GARNL3: variants seen among roughly 807,000 people sequenced by gnomAD.
The protein encoded by GARNL3 is GTPase activating Rap/RanGAP domain like 3, also known as GTPase-activating Rap/Ran-GAP domain-like protein 3.
Under a neutral mutation model 125.0 loss-of-function variants are expected in GARNL3, and 63 were observed. The ratio of observed to expected loss-of-function variants is 0.50; its 90% CI spans 0.41 to 0.62. The LOEUF (loss-of-function observed/expected upper bound fraction) is 0.62, where lower values mean the gene tolerates loss of function less well. Among genes scored for constraint, GARNL3 ranks in the 20% least tolerant of loss-of-function variants. The pLI is 0.00. For synonymous variants in GARNL3, 439 were observed against 457.5 expected (o/e 0.96, Z 0.52); for missense variants, 994 against 1,244.0 (o/e 0.80, Z 3.02).
At chr9:127,255,830 C>T (rs902997152) in intron 2 of GARNL3, among the ~76,000 whole-genome samples, 1 of 152,084 alleles carries the variant, frequency 6.6e-6, no homozygotes, top group East Asian at 1.9e-4. Flanking sequence ...ATCAAAAGAC[C>T]ACACTGAGCA....
upstream of GARNL3, among the ~76,000 whole-genome samples, chr9:127,262,716 T>G (rs1176260301): frequency 6.6e-6 from 1 of 152,094 alleles, no homozygotes; most frequent in Non-Finnish European, 1.5e-5. Flanking sequence ...GTAGAAGAGG[T>G]GCTGTCAGGC....
intron 2 of GARNL3, among the ~76,000 whole-genome samples, chr9:127,303,686 A>G (rs1357610069): frequency 1.3e-5 from 2 of 152,208 alleles, no homozygotes; most frequent in Admixed American, 6.5e-5. Context: ...CAAAGGAATT[A>G]TTTTAAAACT....
chr9:127,281,107 T>C (rs2064091125), intron 1 of GARNL3, among the ~76,000 whole-genome samples: 1 of 151,958 alleles, frequency 6.6e-6, no homozygotes, highest in Admixed American at 6.6e-5. Flanking sequence ...GCATGCCAGA[T>C]ATGTGGGGTG....
chr9:127,225,338 C>T, intron 1 of GARNL3: 1 of 984,476 alleles, frequency 1.0e-6, no homozygotes, highest in Non-Finnish European at 1.2e-6. Context: ...GCGGGGTGGC[C>T]GCTGCGCTCC....
chr9:127,316,225 G>A (rs994470353), intron 4 of GARNL3, among the ~76,000 whole-genome samples: 5 of 152,060 alleles, frequency 3.3e-5, no homozygotes, highest in South Asian at 4.1e-4. Flanking sequence ...ACATTCCCCC[G>A]AGCTGCCCTT....
chr9:127,316,811 C>T (rs1217504478), intron 4 of GARNL3, among the ~76,000 whole-genome samples: 1 of 152,122 alleles, frequency 6.6e-6, no homozygotes, highest in Non-Finnish European at 1.5e-5. Context: ...GTTTATGCAA[C>T]GAGACCATGG....
intron 2 of GARNL3, among the ~76,000 whole-genome samples, chr9:127,301,177 C>T (rs1237024077): frequency 6.6e-6 from 1 of 152,192 alleles, no homozygotes; most frequent in African/African-American, 2.4e-5. Context: ...ATCCTTATTG[C>T]TGTTCCTTGG....
chr9:127,382,470 G>A (rs1446085543), intron 22 of GARNL3, among the ~76,000 whole-genome samples: 1 of 151,936 alleles, frequency 6.6e-6, no homozygotes, highest in Non-Finnish European at 1.5e-5. Flanking sequence ...AAATTAGCTG[G>A]GTGTGCTGGT....
At chr9:127,313,230 T>C in intron 3 of GARNL3, 1 of 540,716 alleles carries the variant, frequency 1.8e-6, no homozygotes. Context: ...TGGCCAGAAT[T>C]TGGTCACATG....
At chr9:127,225,524 A>C (rs1415266018) in intron 1 of GARNL3, 6 of 314,972 alleles carry the variant, frequency 1.9e-5, no homozygotes, top group Non-Finnish European at 2.7e-5. Flanking sequence ...TTCTCAGGAG[A>C]CCGGGCGCGG....
intron 27 of GARNL3, among the ~76,000 whole-genome samples, chr9:127,391,102 C>T (rs964886586): frequency 3.3e-5 from 5 of 151,950 alleles, no homozygotes; most frequent in South Asian, 2.1e-4. Context: ...CTGGCCAACA[C>T]GGTGAAACCC....
chr9:127,239,565 AT>A (rs1434209378), intron 1 of GARNL3, among the ~76,000 whole-genome samples: 1 of 152,176 alleles, frequency 6.6e-6, no homozygotes, highest in Non-Finnish European at 1.5e-5. Context: ...ATATTGAGCT[AT>A]TTTTTGCTTT....
rs149757395 is a variant in GARNL3 at position 127,228,801 on chromosome 9, C to T, written c.-29+4463C>T. Among the ~76,000 whole-genome samples, 416 of 151,994 alleles carry T rather than the reference C, an allele frequency of 2.7e-3. 1 individual carries two copies. Among genetic ancestry groups the T allele is most frequent in the African/African-American group, 9.6e-3 (396 of 41,460 alleles). On this transcript the variant is annotated intron_variant, in intron 1 of 10. Transcript: ENST00000439286. ...TTGTTTTAAAATTTAGTCAGATCTTCCTCCTGTTTATACTTTTTTGTTGTT... is the reference window on the plus strand; with the variant it reads ...TTGTTTTAAAATTTAGTCAGATCTTTCTCCTGTTTATACTTTTTTGTTGTT...
intron 2 of GARNL3, among the ~76,000 whole-genome samples, chr9:127,299,777 GA>G (rs2064726761): frequency 6.6e-6 from 1 of 152,146 alleles, no homozygotes. Context: ...ACCATAGCCA[GA>G]ATGGTCTCGA....
At chr9:127,352,140 T>A (rs1012871829) in intron 17 of GARNL3, among the ~76,000 whole-genome samples, 1 of 152,238 alleles carries the variant, frequency 6.6e-6, no homozygotes, top group African/African-American at 2.4e-5. Flanking sequence ...ATGGGGCTGC[T>A]CCAACATCCC....
intron 4 of GARNL3, among the ~76,000 whole-genome samples, chr9:127,315,905 A>C (rs1389546381): frequency 2.0e-5 from 3 of 152,144 alleles, no homozygotes; most frequent in Non-Finnish European, 4.4e-5. Flanking sequence ...GCACACACAC[A>C]CCTGTTACAC....
intron 1 of GARNL3, chr9:127,225,407 C>T: frequency 1.0e-6 from 1 of 980,842 alleles, no homozygotes; most frequent in Non-Finnish European, 1.2e-6. Flanking sequence ...GCCCAAGGTA[C>T]TGCGGACGGG....
Position 127,335,349 on chromosome 9 carries a change from C to G in GARNL3, c.873+16C>G, listed in dbSNP as rs746394150. 7.2e-6 allele frequency: 11 copies of G among 1,530,498 alleles called. No individual in the cohort carries two copies. Among genetic ancestry groups the G allele is most frequent in the South Asian group, 1.1e-5 (1 of 89,480 alleles). The allele number at this position is 1,530,498 out of a possible 1,614,324, so 94.8% of individuals were successfully genotyped here. ...CAAACAGCAGGTACATGTGAACATA[C>G]AAACCATCAAATAGTGATGTGAATG... On this transcript the variant is annotated intron_variant, in intron 10 of 27. Transcript: ENST00000373387.
rs754641459 is a variant in GARNL3, at chr9:127,243,160, A to G, written c.54A>G (p.Leu18=). ...GGAGTCAGATAGCACAAACCATTCT[A>G]TGGAAAGCAAAGTCGTCTCTCTCCT... Residue 18 remains leucine (L), a synonymous_variant, in exon 2 of 11, where the codon CTA becomes CTG. Coordinates refer to the GARNL3 transcript ENST00000439286. 68 of 1,366,160 alleles carry G rather than the reference A, an allele frequency of 5.0e-5. No homozygotes were observed. The Admixed American group carries it at 1.2e-3, about 23-fold the overall frequency. 84.6% of individuals were successfully genotyped at this position (1,366,160 alleles called of 1,614,324 possible).
Sources: gnomAD v4.1 joint callset for allele counts (sites outside exome capture counted in the v4.1 genomes callset) on GRCh38, gnomAD v4.1.1 for gene constraint, MANE v1.5 for transcripts, NCBI Gene and HGNC (gene_info 2026-07-23, HGNC 2026-07-21) for gene names.